CFAP77: variants seen among roughly 807,000 people sequenced by gnomAD.
CFAP77 encodes the protein cilia- and flagella-associated protein 77.
In CFAP77, 25 loss-of-function variants were observed where a neutral mutation model predicts 31.1. That is an observed-to-expected ratio of 0.80 (90% CI 0.59 to 1.12). CFAP77 has a LOEUF of 1.12. CFAP77 is among the 50% of genes most tolerant of loss of function. The pLI is 0.00. For synonymous variants in CFAP77, 151 were observed against 159.9 expected (o/e 0.94, Z 0.42); for missense variants, 377 against 397.3 (o/e 0.95, Z 0.44).
At chr9:132,459,800 GATGTGTGT>G (rs959007844) in intron 1 of CFAP77, among the ~76,000 whole-genome samples, 3 of 150,024 alleles carry the variant, frequency 2.0e-5, no homozygotes, top group Non-Finnish European at 4.4e-5. Flanking sequence ...ATGTGAGAGC[GATGTGTGT>G]ATGTGTGTGT....
At chr9:132,547,228 AG>A (rs1724990340) in intron 5 of CFAP77, among the ~76,000 whole-genome samples, 1 of 152,210 alleles carries the variant, frequency 6.6e-6, no homozygotes, top group South Asian at 2.1e-4. Context: ...GCATGACTCC[AG>A]GGACAGCCAG....
intron 5 of CFAP77, among the ~76,000 whole-genome samples, chr9:132,568,037 C>T (rs1032777808): frequency 2.0e-5 from 3 of 152,122 alleles, no homozygotes; most frequent in African/African-American, 7.2e-5. Flanking sequence ...CATGGTTCAG[C>T]TCACTACAAG....
At chr9:132,463,883 G>T (rs1283952422) in intron 1 of CFAP77, among the ~76,000 whole-genome samples, 1 of 152,190 alleles carries the variant, frequency 6.6e-6, no homozygotes, top group African/African-American at 2.4e-5. Flanking sequence ...GGCCTGGAAG[G>T]GCCCTGAACT....
chr9:132,514,964 C>G lies in CFAP77; in HGVS notation c.524+15364C>G, dbSNP rs1315603701. On this transcript the variant is annotated intron_variant, in intron 3 of 5. Transcript: ENST00000393216. ...TCCGGGGCGCCAGAGCTCAGCCCCCCAGCCCGCCCCAGCTCTCTGCTGGGA... is the reference window on the plus strand; with the variant it reads ...TCCGGGGCGCCAGAGCTCAGCCCCCGAGCCCGCCCCAGCTCTCTGCTGGGA... Among the ~76,000 whole-genome samples, 8 of 152,286 alleles carry G rather than the reference C, an allele frequency of 5.3e-5. No homozygotes were observed. The East Asian group carries it at 9.7e-4, about 18-fold the overall frequency.
chr9:132,513,464 C>A, intron 3 of CFAP77: 2 of 1,320,136 alleles, frequency 1.5e-6, no homozygotes, highest in African/African-American at 1.5e-5. Flanking sequence ...TCCCTGAGGA[C>A]CCTCCCGAGG....
At chr9:132,559,849 G>T (rs879872983) in intron 5 of CFAP77, among the ~76,000 whole-genome samples, 2 of 152,192 alleles carry the variant, frequency 1.3e-5, no homozygotes, top group Non-Finnish European at 2.9e-5. Context: ...CCCTGGAAAG[G>T]AATGAAGCGG....
rs370124695 is a variant in CFAP77, at chr9:132,517,125, G to A, written c.524+17525G>A. 4.6e-5 allele frequency among the ~76,000 whole-genome samples: 7 copies of A among 152,224 alleles called. No individual in the cohort carries two copies. The highest frequency in any genetic ancestry group is 1.7e-4 in the African/African-American group (7 of 41,530). On this transcript the variant is annotated intron_variant, in intron 3 of 5. Coordinates refer to ENST00000393216, the MANE Select transcript of CFAP77 (RefSeq NM_001282957.2). This position sits in a 1 kb window ranked among gnomAD's most constrained non-coding sequence, Gnocchi z 4.7. ...CTTCTGGGTGTCCCTCATGGATCGG[G>A]TGTCGATTTCGTATCGTGGAGAGAA...
Position 132,499,650 on chromosome 9 carries a change from C to A in CFAP77, c.524+50C>A. 1 of 1,542,826 alleles carries A rather than the reference C, an allele frequency of 6.5e-7. No homozygotes were observed. On this transcript the variant is annotated intron_variant, in intron 3 of 5. Transcript: ENST00000393216. This position sits in a 1 kb window ranked among gnomAD's most constrained non-coding sequence, Gnocchi z 5.4. Reference sequence around the variant, plus strand: ...TCATCCCTTGAGGGGGTGGAGGTACCAGCTCAATCAGGGACAAGGTCGGAG... The same window carrying A: ...TCATCCCTTGAGGGGGTGGAGGTACAAGCTCAATCAGGGACAAGGTCGGAG...
intron 3 of CFAP77, among the ~76,000 whole-genome samples, chr9:132,506,523 G>A (rs1275937799): frequency 6.6e-6 from 1 of 151,652 alleles, no homozygotes; most frequent in East Asian, 1.9e-4. Context: ...GGGCTCTGCC[G>A]CTGTTCTGCT....
chr9:132,482,151 A>G (rs532026467), intron 1 of CFAP77, among the ~76,000 whole-genome samples: 2 of 151,604 alleles, frequency 1.3e-5, no homozygotes, highest in Non-Finnish European at 2.9e-5. Flanking sequence ...TACATAGATC[A>G]TTCTCTGCTT....
chr9:132,495,335 C>G lies in CFAP77; in HGVS notation c.196-3360C>G, dbSNP rs558048845. 1.2e-4 allele frequency among the ~76,000 whole-genome samples: 19 copies of G among 152,186 alleles called. No individual in the cohort carries two copies. Among genetic ancestry groups the G allele is most frequent in the Non-Finnish European group, 2.5e-4 (17 of 68,036 alleles). On this transcript the variant is annotated intron_variant, in intron 1 of 5. Transcript: ENST00000393216. The surrounding 1 kb of genome is among the most constrained non-coding windows in gnomAD (Gnocchi z 4.2). ...AGCTCCTGAGTCTGTCTGTCATTCC[C>G]CTGCCAGCTGAAACTCTGCCCACCT...
intron 1 of CFAP77, among the ~76,000 whole-genome samples, chr9:132,417,484 A>C (rs1250137869): frequency 6.6e-6 from 1 of 152,234 alleles, no homozygotes; most frequent in African/African-American, 2.4e-5. Flanking sequence ...AGAAAACTGC[A>C]CCTACTTCAG....
At chr9:132,456,314 C>G (rs1400572269) in intron 1 of CFAP77, among the ~76,000 whole-genome samples, 1 of 152,212 alleles carries the variant, frequency 6.6e-6, no homozygotes, top group Non-Finnish European at 1.5e-5. Context: ...TCTGCTGCCC[C>G]TCTCCCAGCC....
chr9:132,477,398 C>T (rs488692), intron 1 of CFAP77, among the ~76,000 whole-genome samples: 72,104 of 152,042 alleles, frequency 0.47, 17,239 homozygotes, highest in Admixed American at 0.55. Context: ...CCCCATCCCA[C>T]AGAGCTTGTT....
At chr9:132,567,594 T>A (rs1829900177) in intron 5 of CFAP77, among the ~76,000 whole-genome samples, 1 of 152,194 alleles carries the variant, frequency 6.6e-6, no homozygotes, top group South Asian at 2.1e-4. Context: ...GCCCAGGGAA[T>A]GGCTTGAGGG....
intron 1 of CFAP77, chr9:132,482,220 C>A: frequency 3.1e-6 from 2 of 650,044 alleles, no homozygotes; most frequent in Non-Finnish European, 5.1e-6. Flanking sequence ...GAGCCTTTTT[C>A]TTAAATCTGC....
rs112369328 is a variant in CFAP77 at position 132,497,507 on chromosome 9, C to G, written c.196-1188C>G. 7.0e-4 allele frequency among the ~76,000 whole-genome samples: 106 copies of G among 152,326 alleles called. 1 individual carries two copies. The highest frequency in any genetic ancestry group is 2.5e-3 in the African/African-American group (103 of 41,586). Reference sequence around the variant, plus strand: ...AAGGAGCAGCTGCACCCACCCTTCTCAGTAATGGCCCCGGGGCCTGCTGGC... The same window carrying G: ...AAGGAGCAGCTGCACCCACCCTTCTGAGTAATGGCCCCGGGGCCTGCTGGC... On this transcript the variant is annotated intron_variant, in intron 1 of 5. Transcript: ENST00000393216. The surrounding 1 kb of genome is among the most constrained non-coding windows in gnomAD (Gnocchi z 4.9).
At chr9:132,537,885 T>C (rs1281843758) in intron 4 of CFAP77, among the ~76,000 whole-genome samples, 179 bp downstream of exon 4, 2 of 152,170 alleles carry the variant, frequency 1.3e-5, no homozygotes, top group Non-Finnish European at 2.9e-5. Flanking sequence ...TCTTGGTGAT[T>C]ATCCAGTTCC....
chr9:132,425,753 A>G (rs1850302807), intron 1 of CFAP77, among the ~76,000 whole-genome samples: 2 of 152,238 alleles, frequency 1.3e-5, no homozygotes, highest in Admixed American at 1.3e-4. Flanking sequence ...CTTACATGAT[A>G]TGGGTACAGA....
Sources: gnomAD v4.1 joint callset for allele counts (sites outside exome capture counted in the v4.1 genomes callset) on GRCh38, gnomAD v4.1.1 for gene constraint, Gnocchi (gnomAD v3.1) non-coding constraint, MANE v1.5 for transcripts, NCBI Gene and HGNC (gene_info 2026-07-23, HGNC 2026-07-21) for gene names.